PTPN14: variants seen among roughly 807,000 people sequenced by gnomAD.
PTPN14 encodes the protein tyrosine-protein phosphatase non-receptor type 14.
In PTPN14, 53 loss-of-function variants were observed where a neutral mutation model predicts 126.8. That is an observed-to-expected ratio of 0.42 (90% CI 0.34 to 0.53). The LOEUF (loss-of-function observed/expected upper bound fraction) is 0.53, where lower values mean the gene tolerates loss of function less well. PTPN14 is among the 20% of genes least tolerant of loss of function. PTPN14 has a pLI of 0.08. For missense variants in PTPN14, 1,257 were observed against 1,552.9 expected (o/e 0.81, Z 3.20); for synonymous variants, 630 against 599.3 (o/e 1.05, Z -0.75).
chr1:214,464,953 G>A lies in PTPN14; in HGVS notation c.-150C>T, dbSNP rs567588499. The A allele has an allele frequency of 1.8e-4, 171 of 924,482 alleles. No homozygotes were observed. Among genetic ancestry groups the A allele is most frequent in the Admixed American group, 3.9e-4 (14 of 35,592 alleles). 57.3% of individuals were successfully genotyped at this position (924,482 alleles called of 1,614,324 possible). A position where few individuals can be genotyped will look rare whatever the true frequency, so the allele number is the denominator to read the frequency against. ...CCATGCCCAGTGTGGCCCTCTGGAA[G>A]ATAGCTGTAAATGCAAAAGAAATGC... On this transcript the variant is annotated 5_prime_UTR_variant, in exon 2 of 19. Transcript: ENST00000366956.
chr1:214,391,585 T>G (rs922172780), intron 10 of PTPN14, among the ~76,000 whole-genome samples: 3 of 152,038 alleles, frequency 2.0e-5, no homozygotes, highest in Non-Finnish European at 4.4e-5. Context: ...TATTTTTAAA[T>G]GTAGAGATTA....
At chr1:214,506,905 G>A (rs549015941) in intron 1 of PTPN14, among the ~76,000 whole-genome samples, 15 of 138,908 alleles carry the variant, frequency 1.1e-4, no homozygotes, top group Admixed American at 7.4e-4. Flanking sequence ...TAACAAGAGC[G>A]CGGGTTTTTT....
At chr1:214,442,588 A>T (rs17732675) in intron 3 of PTPN14, among the ~76,000 whole-genome samples, 12,661 of 152,266 alleles carry the variant, frequency 0.083, 681 homozygotes, top group Middle Eastern at 0.12. Context: ...TTTCCTCTTC[A>T]TTATAGGACA....
At chr1:214,530,337 C>CTTTTTTTTTTTTTTTTTTT (rs1219471589) in intron 1 of PTPN14, 2 of 129,080 alleles carry the variant, frequency 1.5e-5, no homozygotes, top group African/African-American at 3.0e-5. Context: ...CTTTTCTTTT[C>CTTTTTTTTTTTTTTTTTTT]TTTTTTTTTT....
At chr1:214,546,000 T>C (rs1655959407) in intron 1 of PTPN14, among the ~76,000 whole-genome samples, 1 of 152,134 alleles carries the variant, frequency 6.6e-6, no homozygotes, top group Non-Finnish European at 1.5e-5. Flanking sequence ...TGGCTAGGGA[T>C]ACGAGGCCAT....
intron 17 of PTPN14, among the ~76,000 whole-genome samples, chr1:214,367,992 T>C (rs899575220): frequency 3.3e-5 from 5 of 152,296 alleles, no homozygotes; most frequent in African/African-American, 9.6e-5. Flanking sequence ...AACCACATTC[T>C]AAAAGTACAC....
intron 1 of PTPN14, among the ~76,000 whole-genome samples, chr1:214,510,468 G>C (rs1286468967): frequency 6.6e-6 from 1 of 152,198 alleles, no homozygotes; most frequent in Non-Finnish European, 1.5e-5. Context: ...GTGTATGCCT[G>C]TAATGACATT....
At chr1:214,415,201 T>C (rs181820544) in intron 3 of PTPN14, among the ~76,000 whole-genome samples, 1 of 152,260 alleles carries the variant, frequency 6.6e-6, no homozygotes, top group East Asian at 1.9e-4. Flanking sequence ...AAAAATCAAA[T>C]ACAGTTTTCA....
chr1:214,539,238 G>A (rs1655781412), intron 1 of PTPN14, among the ~76,000 whole-genome samples: 1 of 152,070 alleles, frequency 6.6e-6, no homozygotes, highest in Non-Finnish European at 1.5e-5. Flanking sequence ...TTTACTATTA[G>A]TGCCCTTCCA....
intron 1 of PTPN14, among the ~76,000 whole-genome samples, chr1:214,550,353 C>T (rs997607941): frequency 1.4e-4 from 22 of 152,146 alleles, no homozygotes; most frequent in African/African-American, 5.3e-4. Flanking sequence ...ACAGCCAGTC[C>T]CTAGACTTAA....
chr1:214,383,279 T>G lies in PTPN14; in HGVS notation c.2544+32A>C. The G allele has an allele frequency of 6.3e-7, 1 of 1,588,958 alleles. No homozygotes were observed. The highest frequency in any genetic ancestry group is 2.3e-5 in the East Asian group (1 of 44,400). ...GTGCCTGAAGCATGTGCTTTCACAC[T>G]GGAAAATGCCCTGGGAGAGGAGGAC... On this transcript the variant is annotated intron_variant, in intron 13 of 18. Transcript: ENST00000366956. This position sits in a 1 kb window ranked among gnomAD's most constrained non-coding sequence, Gnocchi z 4.4.
intron 1 of PTPN14, among the ~76,000 whole-genome samples, chr1:214,520,047 C>CAAAAAAAAAAAAAAAA (rs1183768381): frequency 1.2e-5 from 1 of 80,752 alleles, no homozygotes; most frequent in Non-Finnish European, 2.1e-5. Context: ...AACCCTGTCT[C>CAAAAAAAAAAAAAAAA]AAAAAAAAAA....
At chr1:214,494,493 T>C (rs1661317847) in intron 1 of PTPN14, among the ~76,000 whole-genome samples, 1 of 152,240 alleles carries the variant, frequency 6.6e-6, no homozygotes. Context: ...TAATGCTTTT[T>C]GGTCAAAATA....
In PTPN14 at chr1:214,394,893, G is replaced by C; in HGVS notation, c.846+6C>G. 6.2e-7 allele frequency: 1 copy of C among 1,608,366 alleles called. No homozygotes were observed. Among genetic ancestry groups the C allele is most frequent in the Non-Finnish European group, 8.5e-7 (1 of 1,174,798 alleles). ...CAGACCCTGACTGTTTGTCTGTTGT[G>C]CTTACCGTGTGAAAGAGGGCAGTCT... On this transcript the variant is annotated splice_donor_region_variant and intron_variant, in intron 9 of 18. Transcript: ENST00000366956.
At chr1:214,521,645 G>A (rs1047426126) in intron 1 of PTPN14, among the ~76,000 whole-genome samples, 2 of 152,086 alleles carry the variant, frequency 1.3e-5, no homozygotes, top group African/African-American at 4.8e-5. Flanking sequence ...AACCAGGGAG[G>A]CGGAGGTTGC....
intron 5 of PTPN14, among the ~76,000 whole-genome samples, chr1:214,410,614 T>G (rs1035547723): frequency 2.0e-5 from 3 of 152,226 alleles, no homozygotes; most frequent in Non-Finnish European, 2.9e-5. Context: ...TAATACATTT[T>G]GAATTTACTT....
chr1:214,411,937 C>T (rs536179124), intron 4 of PTPN14, among the ~76,000 whole-genome samples, 186 bp from the exon 5 acceptor site: 161 of 152,256 alleles, frequency 1.1e-3, no homozygotes, highest in African/African-American at 3.8e-3. Flanking sequence ...TAAATATCAG[C>T]ATGTAAGCAC....
chr1:214,389,511 C>T (rs1189395368), intron 11 of PTPN14, among the ~76,000 whole-genome samples: 2 of 152,134 alleles, frequency 1.3e-5, no homozygotes, highest in African/African-American at 2.4e-5. Flanking sequence ...GCAAGGAAGC[C>T]AAGAGACAGT....
chr1:214,445,954 G>T (rs1456032532), intron 3 of PTPN14, among the ~76,000 whole-genome samples: 1 of 152,302 alleles, frequency 6.6e-6, no homozygotes, highest in Admixed American at 6.5e-5. Context: ...AGGAGAACAT[G>T]CTGGGGAAGA....
Sources: gnomAD v4.1 joint callset for allele counts (sites outside exome capture counted in the v4.1 genomes callset) on GRCh38, gnomAD v4.1.1 for gene constraint, Gnocchi (gnomAD v3.1) non-coding constraint, MANE v1.5 for transcripts, NCBI Gene and HGNC (gene_info 2026-07-23, HGNC 2026-07-21) for gene names.